Variants in ENTREP2 observed in about 807,000 individuals in gnomAD.
ENTREP2 encodes the protein protein ENTREP2.
the ENTREP2 span, among the ~76,000 whole-genome samples, chr15:29,617,719 GGGT>G: frequency 2.6e-5 from 4 of 152,214 alleles, no homozygotes; most frequent in Non-Finnish European, 5.9e-5. Context: ...TCAGATCAGT[GGGT>G]GGACATTGGG....
chr15:29,493,870 G>A, the ENTREP2 span, among the ~76,000 whole-genome samples: 1 of 151,902 alleles, frequency 6.6e-6, no homozygotes, highest in African/African-American at 2.4e-5. Flanking sequence ...CCAGGTACTC[G>A]GGAGGCTGAG....
the ENTREP2 span, among the ~76,000 whole-genome samples, chr15:29,333,572 C>A: frequency 6.6e-6 from 1 of 152,188 alleles, no homozygotes. Context: ...CCTATCCCTC[C>A]AGCAGGATCC....
At chr15:29,237,750 ACTTT>A in the ENTREP2 span, among the ~76,000 whole-genome samples, 1 of 151,682 alleles carries the variant, frequency 6.6e-6, no homozygotes, top group African/African-American at 2.4e-5. Flanking sequence ...ATGGTCTGGC[ACTTT>A]CTTAAATGAT....
the ENTREP2 span, among the ~76,000 whole-genome samples, chr15:29,440,384 G>T: frequency 6.6e-6 from 1 of 151,974 alleles, no homozygotes; most frequent in African/African-American, 2.4e-5. Context: ...CTACATGTGG[G>T]GAAATATTTT....
the ENTREP2 span, among the ~76,000 whole-genome samples, chr15:29,400,262 G>T: frequency 1.6e-4 from 24 of 152,200 alleles, no homozygotes; most frequent in Admixed American, 1.4e-3. Context: ...AGCAAAGACT[G>T]GTTAGAAAAG....
the ENTREP2 span, among the ~76,000 whole-genome samples, chr15:29,311,251 C>A: frequency 5.9e-5 from 9 of 152,184 alleles, no homozygotes; most frequent in South Asian, 1.9e-3. Flanking sequence ...ATTATATGAT[C>A]GATAGATTTC....
chr15:29,573,688 T>C, the ENTREP2 span, among the ~76,000 whole-genome samples: 1 of 151,754 alleles, frequency 6.6e-6, no homozygotes, highest in Non-Finnish European at 1.5e-5. Context: ...TCTCTGTGTC[T>C]GTCTTTCCCC....
At chr15:29,269,497 C>A in the ENTREP2 span, 1 of 1,606,898 alleles carries the variant, frequency 6.2e-7, no homozygotes, top group Non-Finnish European at 8.5e-7. Context: ...GGCCTGGGCC[C>A]GGCGGGCGCC....
chr15:29,243,287 T>C, the ENTREP2 span, among the ~76,000 whole-genome samples: 1 of 152,126 alleles, frequency 6.6e-6, no homozygotes, highest in African/African-American at 2.4e-5. Flanking sequence ...TTGTAAAAAG[T>C]AGAAATTAGG....
At chr15:29,636,250 C>T in the ENTREP2 span, among the ~76,000 whole-genome samples, 2 of 152,128 alleles carry the variant, frequency 1.3e-5, no homozygotes, top group Non-Finnish European at 1.5e-5. Context: ...CTGCTGTGGA[C>T]GAGGGGCGTT....
the ENTREP2 span, among the ~76,000 whole-genome samples, chr15:29,650,052 C>T: frequency 2.0e-5 from 3 of 152,100 alleles, no homozygotes; most frequent in Non-Finnish European, 4.4e-5. Context: ...GACTTTTAAA[C>T]ACTTGAAAAT....
the ENTREP2 span, among the ~76,000 whole-genome samples, chr15:29,134,958 C>A: frequency 1.3e-5 from 2 of 152,236 alleles, no homozygotes; most frequent in East Asian, 3.9e-4. Context: ...GGTACCAGTG[C>A]CTGGCCAGTG....
chr15:29,268,025 TCA>T, the ENTREP2 span: 1 of 152,200 alleles, frequency 6.6e-6, no homozygotes, highest in Non-Finnish European at 1.5e-5. Context: ...TGATTTTGTT[TCA>T]CACAAAAGTG....
At chr15:29,350,011 T>G in the ENTREP2 span, among the ~76,000 whole-genome samples, 4 of 152,198 alleles carry the variant, frequency 2.6e-5, no homozygotes, top group African/African-American at 9.6e-5. Context: ...TATAGGCATC[T>G]CCATTTAAGG....
chr15:29,378,877 A>G, the ENTREP2 span, among the ~76,000 whole-genome samples: 8 of 151,866 alleles, frequency 5.3e-5, no homozygotes, highest in Admixed American at 3.3e-4. Flanking sequence ...CCCTAATAGA[A>G]CTTTATATTG....
At chr15:29,296,401 C>T in the ENTREP2 span, among the ~76,000 whole-genome samples, 664 of 152,120 alleles carry the variant, frequency 4.4e-3, 8 homozygotes, top group Middle Eastern at 0.014. Flanking sequence ...ATGTAAGATG[C>T]TATAGAAGGC....
At chr15:29,451,527 A>C in the ENTREP2 span, among the ~76,000 whole-genome samples, 1 of 152,198 alleles carries the variant, frequency 6.6e-6, no homozygotes, top group Non-Finnish European at 1.5e-5. Flanking sequence ...AAGTCCATAC[A>C]GGGACACAGA....
chr15:29,221,994 T>A, the ENTREP2 span, among the ~76,000 whole-genome samples: 2 of 152,180 alleles, frequency 1.3e-5, no homozygotes, highest in Admixed American at 6.5e-5. Context: ...CATTTCAGTG[T>A]GTGTTGTTGT....
chr15:29,558,171 C>T, the ENTREP2 span, among the ~76,000 whole-genome samples: 2 of 152,250 alleles, frequency 1.3e-5, no homozygotes, highest in South Asian at 4.1e-4. Context: ...GTTTCTTGCT[C>T]CTGGAAACAA....
Sources: allele counts gnomAD v4.1 joint callset (sites outside exome capture counted in the v4.1 genomes callset), GRCh38; gene constraint gnomAD v4.1.1; transcripts MANE v1.5; gene names NCBI Gene and HGNC (gene_info 2026-07-23, HGNC 2026-07-21).